CCNY: variants seen among roughly 807,000 people sequenced by gnomAD.
CCNY encodes the protein cyclin-Y.
A neutral mutation model predicts 42.8 loss-of-function variants in CCNY; 19 were observed. That is an observed-to-expected ratio of 0.44 (90% CI 0.31 to 0.65). The LOEUF (loss-of-function observed/expected upper bound fraction) is 0.65, where lower values mean the gene tolerates loss of function less well. Among genes scored for constraint, CCNY ranks in the 30% least tolerant of loss-of-function variants. The pLI is 0.07. For synonymous variants in CCNY, 165 were observed against 162.7 expected (o/e 1.01, Z -0.11); for missense variants, 370 against 437.3 (o/e 0.85, Z 1.37).
At chr10:35,403,303 A>C (rs935802580) in intron 1 of CCNY, among the ~76,000 whole-genome samples, 7 of 152,214 alleles carry the variant, frequency 4.6e-5, no homozygotes, top group Non-Finnish European at 1.0e-4. Flanking sequence ...ACGACAGAAA[A>C]GAATGGGCTT....
At chr10:35,380,638 C>T (rs918385456) in intron 1 of CCNY, among the ~76,000 whole-genome samples, 3 of 152,206 alleles carry the variant, frequency 2.0e-5, no homozygotes, top group African/African-American at 7.2e-5. Flanking sequence ...TTACTTTTAT[C>T]ACCTCCCAAT....
chr10:35,530,187 G>A lies in CCNY; in HGVS notation c.523G>A (p.Val175Ile), dbSNP rs766039873. 4.2e-5 allele frequency: 68 copies of A among 1,614,092 alleles called. 1 individual carries two copies. In the South Asian group the frequency reaches 5.1e-4, roughly 12 times the overall value. The part of the protein sequence containing the change: ...NPEQKQIYRF[V>I]RTLFSAAQLT... ...AGAGCAGAAGCAGATTTACCGGTTC[G>A]TTCGGACACTGTTCAGTGCTGCTCA... Residue 175 changes from valine (V) to isoleucine (I), a missense_variant, in exon 7 of 10, where the codon GTT (valine) becomes ATT (isoleucine). Coordinates refer to ENST00000374704, the MANE Select transcript of CCNY (RefSeq NM_145012.6). This position sits in a 1 kb window ranked among gnomAD's most constrained non-coding sequence, Gnocchi z 4.3.
intron 1 of CCNY, among the ~76,000 whole-genome samples, chr10:35,468,542 A>G (rs1839318661): frequency 6.6e-6 from 1 of 152,008 alleles, no homozygotes; most frequent in South Asian, 2.1e-4. Context: ...GCACAAATTC[A>G]TTCTATGGTC....
At chr10:35,406,536 A>G (rs988978704) in intron 1 of CCNY, among the ~76,000 whole-genome samples, 1 of 152,118 alleles carries the variant, frequency 6.6e-6, no homozygotes, top group African/African-American at 2.4e-5. Context: ...CAGAGAGCAC[A>G]GGGTTGGGGG....
At chr10:35,308,792 G>A (rs1490834748) in intron 3 of CCNY, among the ~76,000 whole-genome samples, 1 of 152,148 alleles carries the variant, frequency 6.6e-6, no homozygotes, top group South Asian at 2.1e-4. Context: ...CCTGGTGAGG[G>A]CTCAGAGTCG....
At chr10:35,445,248 G>A (rs1838764741) in intron 1 of CCNY, among the ~76,000 whole-genome samples, 2 of 152,190 alleles carry the variant, frequency 1.3e-5, no homozygotes, top group African/African-American at 4.8e-5. Context: ...AGAGAAGGAA[G>A]TCAAGTTCCA....
At chr10:35,479,317 T>A (rs1428572387) in intron 1 of CCNY, among the ~76,000 whole-genome samples, 4 of 151,024 alleles carry the variant, frequency 2.6e-5, no homozygotes, top group Non-Finnish European at 2.9e-5. Context: ...GTATGTTTAT[T>A]GCGGCATTAT....
At chr10:35,501,287 C>A (rs756303152) in intron 2 of CCNY, among the ~76,000 whole-genome samples, 2 of 152,122 alleles carry the variant, frequency 1.3e-5, no homozygotes, top group Non-Finnish European at 2.9e-5. Flanking sequence ...TTAGGGTGCT[C>A]TTGTTTAAAT....
chr10:35,372,322 C>T (rs76922144), intron 1 of CCNY, among the ~76,000 whole-genome samples: 3,484 of 152,242 alleles, frequency 0.023, 47 homozygotes, highest in Admixed American at 0.032. Context: ...GTTAGCAGTG[C>T]GCATGGGCCA....
chr10:35,564,855 A>C (rs1841537121), intron 8 of CCNY, among the ~76,000 whole-genome samples: 1 of 152,250 alleles, frequency 6.6e-6, no homozygotes. Flanking sequence ...GCTGGGGGCC[A>C]GGCATGCAAA....
chr10:35,489,619 A>G (rs1839858612), intron 2 of CCNY, among the ~76,000 whole-genome samples: 1 of 152,086 alleles, frequency 6.6e-6, no homozygotes, highest in African/African-American at 2.4e-5. Context: ...ATAGATGGAA[A>G]TAGAAAGATT....
At chr10:35,322,218 G>A (rs531707786) in intron 3 of CCNY, among the ~76,000 whole-genome samples, 1 of 152,156 alleles carries the variant, frequency 6.6e-6, no homozygotes, top group East Asian at 1.9e-4. Flanking sequence ...GCTGGGCATC[G>A]CAGTGCTTGC....
chr10:35,300,071 T>C (rs1474973039), intron 3 of CCNY, among the ~76,000 whole-genome samples: 1 of 152,216 alleles, frequency 6.6e-6, no homozygotes, highest in Non-Finnish European at 1.5e-5. Flanking sequence ...TGAACATCTC[T>C]CAGATCTCTG....
chr10:35,266,147 G>A (rs377145499), intron 3 of CCNY, among the ~76,000 whole-genome samples: 4 of 151,532 alleles, frequency 2.6e-5, no homozygotes, highest in Admixed American at 6.6e-5. Context: ...GTACAATCTC[G>A]GCTCACTACA....
rs12266920 is a variant in CCNY, at chr10:35,530,420, A to G, written c.579+177A>G. Among the ~76,000 whole-genome samples, 1,084 of 152,326 alleles carry G rather than the reference A, an allele frequency of 7.1e-3. 16 individuals carry two copies. Among genetic ancestry groups the G allele is most frequent in the African/African-American group, 0.025 (1,045 of 41,574 alleles). On this transcript the variant is annotated intron_variant, in intron 7 of 9. Coordinates refer to ENST00000374704, the MANE Select transcript of CCNY (RefSeq NM_145012.6). The surrounding 1 kb of genome is among the most constrained non-coding windows in gnomAD (Gnocchi z 4.3). ...GGAGAATAGAGGATAGATATCCCGG[A>G]AGAGATTGTGAAGATTGTTCTGTAG... is the stretch of plus-strand genomic sequence containing the variant.
rs1291043920 is a variant in CCNY at position 35,336,770 on chromosome 10, CAGTCGCGCG to C, written c.-283_-275del. ...CGGGGTGAGGTAGGCGCGGCGGCCG[CAGTCGCGCG>C]GACCCGAGCGCTCCTCCGCCGCGGA... On this transcript the variant is annotated 5_prime_UTR_variant, in exon 1 of 10. Transcript: ENST00000374704. 1 of 147,100 alleles carries C rather than the reference CAGTCGCGCG, an allele frequency of 6.8e-6. No individual in the cohort carries two copies. The highest frequency in any genetic ancestry group is 1.5e-5 in the Non-Finnish European group (1 of 66,056). 9.1% of individuals were successfully genotyped at this position (147,100 alleles called of 1,614,324 possible). A position where few individuals can be genotyped will look rare whatever the true frequency, so the allele number is the denominator to read the frequency against.
intron 1 of CCNY, among the ~76,000 whole-genome samples, chr10:35,408,337 G>T (rs1837828470): frequency 6.6e-6 from 1 of 152,226 alleles, no homozygotes; most frequent in Non-Finnish European, 1.5e-5. Context: ...CAGGCTTTGT[G>T]TGAGCAACAA....
intron 1 of CCNY, among the ~76,000 whole-genome samples, chr10:35,381,823 C>G (rs541718779): frequency 2.6e-5 from 4 of 152,286 alleles, no homozygotes; most frequent in Admixed American, 2.0e-4. Context: ...AATTGTCACT[C>G]TGTTTGATCA....
At chr10:35,255,958 T>C (rs2095715168) in intron 3 of CCNY, among the ~76,000 whole-genome samples, 1 of 152,218 alleles carries the variant, frequency 6.6e-6, no homozygotes, top group East Asian at 1.9e-4. Flanking sequence ...TCTTTCTTTG[T>C]CAATTGTAAC....
Sources: allele counts gnomAD v4.1 joint callset (sites outside exome capture counted in the v4.1 genomes callset), GRCh38; gene constraint gnomAD v4.1.1; non-coding constraint Gnocchi (gnomAD v3.1); transcripts MANE v1.5; gene names NCBI Gene and HGNC (gene_info 2026-07-23, HGNC 2026-07-21).